Variants in MTMR10 observed in about 807,000 individuals in gnomAD.
MTMR10 encodes the protein myotubularin-related protein 10.
MTMR10 carries 56 observed loss-of-function variants against 88.1 expected under a neutral mutation model. The observed-to-expected ratio is 0.64, with a 90% CI of 0.51 to 0.79. The LOEUF (loss-of-function observed/expected upper bound fraction) is 0.79. Among genes scored for constraint, MTMR10 ranks in the 30% least tolerant of loss-of-function variants. The pLI, the probability that MTMR10 is intolerant of heterozygous loss-of-function variation, is 0.00. For missense variants in MTMR10, 883 were observed against 924.7 expected, an observed-to-expected ratio of 0.95 and a Z score of 0.58; for synonymous variants, 380 against 340.9, an observed-to-expected ratio of 1.11 and a Z score of -1.26.
intron 13 of MTMR10, 27 bp downstream of exon 13, chr15:30,948,275 G>T: frequency 6.3e-7 from 1 of 1,594,110 alleles, no homozygotes; most frequent in Non-Finnish European, 8.5e-7. Context: ...CTTAAAGACT[G>T]ATAAAAAGGC....
intron 13 of MTMR10, 69 bp downstream of exon 13, chr15:30,948,233 C>G: frequency 1.4e-6 from 2 of 1,436,554 alleles, no homozygotes; most frequent in Non-Finnish European, 1.9e-6. Flanking sequence ...GCCCCTTCAT[C>G]TTTTAATGAC....
In MTMR10 at chr15:30,941,531, C is replaced by CT; in HGVS notation, c.2272dup (p.Ser758LysfsTer14). On this transcript the variant is annotated frameshift_variant, in exon 16 of 16. Transcript: ENST00000435680. LOFTEE classifies it high-confidence loss of function. ...TATTTTGGCCCCACTTAAAAATTTG[C>CT]TTAATGGTGTTCCTAAAATGCTTCG... 1 of 1,610,046 alleles carries CT rather than the reference C, an allele frequency of 6.2e-7. No individual in the cohort carries two copies. Among genetic ancestry groups the CT allele is most frequent in the Non-Finnish European group, 8.5e-7 (1 of 1,177,874 alleles).
the MTMR10 span, chr15:30,928,642 A>G: frequency 6.2e-7 from 1 of 1,613,892 alleles, no homozygotes; most frequent in Non-Finnish European, 8.5e-7. Flanking sequence ...GGATGTCTTC[A>G]GAAACGCCTG....
In MTMR10 at chr15:30,939,811, T is replaced by C; in HGVS notation, c.*1659A>G. 2.0e-6 allele frequency: 2 copies of C among 985,324 alleles called. No homozygotes were observed. Among genetic ancestry groups the C allele is most frequent in the Non-Finnish European group, 2.4e-6 (2 of 829,828 alleles). The allele number at this position is 985,324 out of a possible 1,614,324, so 61.0% of individuals were successfully genotyped here. On this transcript the variant is annotated 3_prime_UTR_variant, in exon 16 of 16. Coordinates refer to ENST00000435680, the MANE Select transcript of MTMR10 (RefSeq NM_017762.3). ...GGTGTTATAAGGAGATTGGGTCTGGTTTCTAATCAAGGACTGTAAAATGTT... is the reference window on the plus strand; with the variant it reads ...GGTGTTATAAGGAGATTGGGTCTGGCTTCTAATCAAGGACTGTAAAATGTT...
chr15:30,940,577 G>A lies in MTMR10; in HGVS notation c.*893C>T. The stretch of plus-strand genomic sequence containing the variant: ...CCCAGCACGCCTCCCAGCAAGCCTT[G>A]TTTGTTTTTGAGGGCGAGTTTTGGC... On this transcript the variant is annotated 3_prime_UTR_variant, in exon 16 of 16. Coordinates refer to ENST00000435680, the MANE Select transcript of MTMR10 (RefSeq NM_017762.3). 2.0e-6 allele frequency: 2 copies of A among 985,444 alleles called. No individual in the cohort carries two copies. The highest frequency in any genetic ancestry group is 2.4e-6 in the Non-Finnish European group (2 of 830,028). 61.0% of individuals were successfully genotyped at this position (985,444 alleles called of 1,614,324 possible).
In MTMR10 at chr15:30,974,928, T is replaced by C; in HGVS notation, c.331+3A>G. ...TTTAGAGTATGTACGGAATACTACG[T>C]ACCTGTGACAATTTGCTCAATACAT... is the stretch of plus-strand genomic sequence containing the variant. On this transcript the variant is annotated splice_donor_region_variant and intron_variant, in intron 4 of 15. Coordinates refer to ENST00000435680, the MANE Select transcript of MTMR10 (RefSeq NM_017762.3). 3 of 1,545,228 alleles carry C rather than the reference T, an allele frequency of 1.9e-6. No homozygotes were observed. The highest frequency in any genetic ancestry group is 2.6e-6 in the Non-Finnish European group (3 of 1,136,238).
downstream of MTMR10, among the ~76,000 whole-genome samples, chr15:30,935,663 A>G (rs1218529193): frequency 2.6e-5 from 4 of 152,304 alleles, no homozygotes; most frequent in East Asian, 5.8e-4. Context: ...TCAGTCCCCC[A>G]TGGATACTGA....
At chr15:30,922,421 A>G in the MTMR10 span, 3 of 1,449,812 alleles carry the variant, frequency 2.1e-6, no homozygotes, top group Non-Finnish European at 2.8e-6. Flanking sequence ...AATATGGCAA[A>G]CTTAATGCCT....
chr15:30,948,613 C>A, intron 12 of MTMR10, 142 bp from the exon 13 acceptor site: 1 of 751,906 alleles, frequency 1.3e-6, no homozygotes, highest in South Asian at 1.8e-5. Flanking sequence ...TACTGGATTC[C>A]AGCAACTCTA....
At position 30,969,909 on chromosome 15, in the gene MTMR10, T is replaced by G. The variant is rs35548985; in HGVS notation, c.475-1899A>C. Among the ~76,000 whole-genome samples the G allele has an allele frequency of 5.9e-5, 9 of 152,258 alleles. No homozygotes were observed. The South Asian group carries it at 1.9e-3, about 32-fold the overall frequency. ...ACTCCTCTTAGCCAACTATGCTTTC[T>G]TGGAAACTGTCATGTCTGTTCAACA... On this transcript the variant is annotated intron_variant, in intron 5 of 15. Transcript: ENST00000435680.
the MTMR10 span, chr15:30,926,621 T>C: frequency 1.0e-6 from 1 of 985,226 alleles, no homozygotes; most frequent in Non-Finnish European, 1.2e-6. Context: ...AGGGTGATGT[T>C]ATTGGGGAAG....
At position 30,987,549 on chromosome 15, in the gene MTMR10, T is replaced by C. The variant is rs560675232; in HGVS notation, c.121+3228A>G. Among the ~76,000 whole-genome samples, 5 of 152,344 alleles carry C rather than the reference T, an allele frequency of 3.3e-5. No individual in the cohort carries two copies. The South Asian group carries it at 1.0e-3, about 32-fold the overall frequency. The stretch of plus-strand genomic sequence containing the variant: ...TGACAGCACACAAATAAACAACTCA[T>C]TTTGTGTTCTAATTTTCATCTGCTT... On this transcript the variant is annotated intron_variant, in intron 2 of 15. Coordinates refer to ENST00000435680, the MANE Select transcript of MTMR10 (RefSeq NM_017762.3).
At chr15:30,963,563 GC>G (rs2141028038) in intron 6 of MTMR10, among the ~76,000 whole-genome samples, 1 of 152,182 alleles carries the variant, frequency 6.6e-6, no homozygotes, top group South Asian at 2.1e-4. Flanking sequence ...TGTGAACCTG[GC>G]AGGCAGAGCT....
chr15:30,933,580 A>G, the MTMR10 span, among the ~76,000 whole-genome samples: 1 of 152,192 alleles, frequency 6.6e-6, no homozygotes, highest in Non-Finnish European at 1.5e-5. Flanking sequence ...TTGTACTTGA[A>G]AAGAATGTGT....
At chr15:30,929,585 T>C in the MTMR10 span, among the ~76,000 whole-genome samples, 1 of 125,962 alleles carries the variant, frequency 7.9e-6, no homozygotes, top group Non-Finnish European at 1.6e-5. Flanking sequence ...TTTATTATAT[T>C]ATATATTATA....
the MTMR10 span, chr15:30,924,949 C>T: frequency 1.7e-6 from 1 of 599,502 alleles, no homozygotes; most frequent in Non-Finnish European, 2.8e-6. Context: ...TTGCCAGATG[C>T]ATTGAAATCC....
At chr15:30,952,427 A>AT (rs2063261865) in intron 11 of MTMR10, among the ~76,000 whole-genome samples, 1 of 152,210 alleles carries the variant, frequency 6.6e-6, no homozygotes, top group Non-Finnish European at 1.5e-5. Context: ...GTGCAGTGGC[A>AT]TATCACAGCT....
the MTMR10 span, among the ~76,000 whole-genome samples, chr15:30,930,996 G>A: frequency 6.6e-6 from 1 of 152,278 alleles, no homozygotes; most frequent in African/African-American, 2.4e-5. Context: ...GGGTCACAAC[G>A]GGTGTGGACA....
At chr15:30,982,943 A>T (rs2030679887) in intron 2 of MTMR10, among the ~76,000 whole-genome samples, 1 of 152,276 alleles carries the variant, frequency 6.6e-6, no homozygotes, top group Admixed American at 6.5e-5. Context: ...GCCTCTTCCC[A>T]GATAGGATAT....
Sources: allele counts gnomAD v4.1 joint callset (sites outside exome capture counted in the v4.1 genomes callset), GRCh38; gene constraint gnomAD v4.1.1; transcripts MANE v1.5; gene names NCBI Gene and HGNC (gene_info 2026-07-23, HGNC 2026-07-21).